CIMAP3: variants seen among roughly 807,000 people sequenced by gnomAD.
CIMAP3 encodes the protein ciliary microtubule associated protein 3, also known as ciliary microtubule-associated protein 3.
chr1:111,346,858 C>T, the CIMAP3 span: 1 of 1,601,094 alleles, frequency 6.2e-7, no homozygotes, highest in South Asian at 1.1e-5. Flanking sequence ...GGAACGCGCT[C>T]ACGTAGACCC....
At chr1:111,346,515 C>A in the CIMAP3 span, 2 of 1,386,532 alleles carry the variant, frequency 1.4e-6, no homozygotes, top group Non-Finnish European at 2.0e-6. Context: ...CCAGTAGTGG[C>A]TCGGTGGACG....
At chr1:111,348,514 A>T in the CIMAP3 span, 1 of 1,595,874 alleles carries the variant, frequency 6.3e-7, no homozygotes. Flanking sequence ...TCTTGGAAAC[A>T]GGAAATGACA....
the CIMAP3 span, among the ~76,000 whole-genome samples, chr1:111,338,834 A>C: frequency 3.3e-5 from 5 of 152,188 alleles, no homozygotes; most frequent in Non-Finnish European, 5.9e-5. Context: ...AAAAGAGGGA[A>C]TCCTCCCTAA....
the CIMAP3 span, chr1:111,351,123 G>A: frequency 1.1e-5 from 8 of 740,684 alleles, no homozygotes; most frequent in African/African-American, 1.3e-4. Flanking sequence ...GAATCACTAA[G>A]GCTAGATTAC....
chr1:111,335,127 C>CAAA, the CIMAP3 span, among the ~76,000 whole-genome samples: 10 of 29,336 alleles, frequency 3.4e-4, 1 homozygote, highest in African/African-American at 1.1e-3. Context: ...GTCTCTGTCT[C>CAAA]AAAAAAAAAA....
At chr1:111,348,678 A>C in the CIMAP3 span, 1 of 1,530,702 alleles carries the variant, frequency 6.5e-7, no homozygotes, top group Non-Finnish European at 8.8e-7. Context: ...GCACTTCAAC[A>C]AAAAAAGCAA....
chr1:111,347,622 C>CT, the CIMAP3 span: 33,544 of 797,284 alleles, frequency 0.042, 60 homozygotes, highest in Non-Finnish European at 0.047. Flanking sequence ...TTTTTTCTTT[C>CT]TTTTTTTTTT....
chr1:111,345,928 C>T, the CIMAP3 span, among the ~76,000 whole-genome samples: 1 of 152,178 alleles, frequency 6.6e-6, no homozygotes, highest in Non-Finnish European at 1.5e-5. Flanking sequence ...TCATCTTGAT[C>T]CTCTCAACAA....
the CIMAP3 span, among the ~76,000 whole-genome samples, chr1:111,326,829 T>C: frequency 6.6e-6 from 1 of 152,328 alleles, no homozygotes; most frequent in East Asian, 1.9e-4. Context: ...AATTTGCACT[T>C]TTCTGATGAT....
At chr1:111,348,401 C>A in the CIMAP3 span, 1 of 1,137,986 alleles carries the variant, frequency 8.8e-7, no homozygotes, top group Non-Finnish European at 1.2e-6. Flanking sequence ...GGTGGCTGAA[C>A]CATAGCTGAT....
the CIMAP3 span, chr1:111,348,984 G>T: frequency 5.7e-6 from 1 of 175,098 alleles, no homozygotes; most frequent in Non-Finnish European, 1.2e-5. Context: ...AATATCAATA[G>T]TGATAGAGTG....
At chr1:111,352,350 G>A in the CIMAP3 span, 1 of 152,642 alleles carries the variant, frequency 6.6e-6, no homozygotes, top group Non-Finnish European at 1.5e-5. Context: ...ACCAAAGATT[G>A]AGAAGCTGCC....
the CIMAP3 span, chr1:111,347,075 C>G: frequency 6.4e-7 from 1 of 1,561,560 alleles, no homozygotes; most frequent in East Asian, 2.3e-5. Flanking sequence ...CCCTTAGATG[C>G]TCCTCAGTTC....
At chr1:111,335,999 A>G in the CIMAP3 span, among the ~76,000 whole-genome samples, 3 of 152,222 alleles carry the variant, frequency 2.0e-5, no homozygotes, top group South Asian at 6.2e-4. Flanking sequence ...CCTCTGAGAC[A>G]AAACTTCCAG....
chr1:111,350,119 A>T, the CIMAP3 span: 1 of 1,613,634 alleles, frequency 6.2e-7, no homozygotes, highest in African/African-American at 1.3e-5. Flanking sequence ...TGGTGCATAC[A>T]ACCCAGAGAA....
chr1:111,336,885 C>T, the CIMAP3 span, among the ~76,000 whole-genome samples: 4 of 151,814 alleles, frequency 2.6e-5, no homozygotes, highest in Admixed American at 2.0e-4. Context: ...AACTCCAAGA[C>T]ACATAATTGT....
the CIMAP3 span, among the ~76,000 whole-genome samples, chr1:111,330,423 T>G: frequency 6.6e-6 from 1 of 152,216 alleles, no homozygotes; most frequent in South Asian, 2.1e-4. Context: ...AGCTGACTTC[T>G]TGCCTCTGGT....
chr1:111,346,861 G>T, the CIMAP3 span: 5 of 1,603,674 alleles, frequency 3.1e-6, no homozygotes, highest in Admixed American at 6.7e-5. Context: ...ACGCGCTCAC[G>T]TAGACCCAGG....
the CIMAP3 span, among the ~76,000 whole-genome samples, chr1:111,328,089 CT>C: frequency 6.6e-6 from 1 of 152,240 alleles, no homozygotes; most frequent in African/African-American, 2.4e-5. Flanking sequence ...TGATTTCTGC[CT>C]TAATTTCATG....
Sources: gnomAD v4.1 joint callset for allele counts (sites outside exome capture counted in the v4.1 genomes callset) on GRCh38, gnomAD v4.1.1 for gene constraint, MANE v1.5 for transcripts, NCBI Gene and HGNC (gene_info 2026-07-23, HGNC 2026-07-21) for gene names.